PRKN: variants seen among roughly 807,000 people sequenced by gnomAD.
PRKN encodes the protein parkin RBR E3 ubiquitin protein ligase.
Under a neutral mutation model 59.5 loss-of-function variants are expected in PRKN, and 56 were observed. The observed-to-expected ratio is 0.94, with a 90% CI of 0.76 to 1.18. The LOEUF is 1.18. PRKN is among the 50% of genes most tolerant of loss of function. The pLI, the probability that PRKN is intolerant of heterozygous loss-of-function variation, is 0.00. For synonymous variants in PRKN, 250 were observed against 222.1 expected (o/e 1.13, Z -1.12); for missense variants, 657 against 596.4 (o/e 1.10, Z -1.06).
At position 161,593,069 on chromosome 6, in the gene PRKN, C is replaced by T. The variant is rs1339363585; in HGVS notation, c.872-23653G>A. ...GCGTCCTCAGATGCGCTGCACCCCA[C>T]GTCCGCTGCTGTTAACATCCTACAT... is the stretch of plus-strand genomic sequence containing the variant. On this transcript the variant is annotated intron_variant, in intron 7 of 11. Transcript: ENST00000366898. The surrounding 1 kb of genome is among the most constrained non-coding windows in gnomAD (Gnocchi z 4.8). 1.3e-5 allele frequency among the ~76,000 whole-genome samples: 2 copies of T among 152,210 alleles called. No individual in the cohort carries two copies. The highest frequency in any genetic ancestry group is 4.8e-5 in the African/African-American group (2 of 41,444).
At chr6:162,702,842 A>C (rs998284401) in intron 1 of PRKN, among the ~76,000 whole-genome samples, 3 of 152,196 alleles carry the variant, frequency 2.0e-5, no homozygotes, top group African/African-American at 7.2e-5. Context: ...TAACTCCTTA[A>C]ATGAGCTCTC....
chr6:162,618,439 A>C (rs947679153), intron 1 of PRKN, among the ~76,000 whole-genome samples: 8 of 152,194 alleles, frequency 5.3e-5, no homozygotes, highest in Non-Finnish European at 7.3e-5. Context: ...GTTTATAATA[A>C]ATCAAATATT....
chr6:162,306,569 A>C (rs1441316945), intron 2 of PRKN, among the ~76,000 whole-genome samples: 1 of 152,228 alleles, frequency 6.6e-6, no homozygotes, highest in African/African-American at 2.4e-5. Context: ...GAATTGTGTG[A>C]AAATTGTTTT....
intron 6 of PRKN, among the ~76,000 whole-genome samples, chr6:161,847,242 A>G (rs542062741): frequency 3.3e-5 from 5 of 152,110 alleles, no homozygotes; most frequent in African/African-American, 9.6e-5. Flanking sequence ...AGGGAGTTGG[A>G]GGTTGCAGTG....
Position 161,658,439 on chromosome 6 carries a change from A to G in PRKN, c.872-89023T>C, listed in dbSNP as rs188994624. On this transcript the variant is annotated intron_variant, in intron 7 of 11. Transcript: ENST00000366898. ...GCAAAGTTAATCATTTAAAACTAGA[A>G]ATCATCTTTGAAAAGTCAACCAGTG... Among the ~76,000 whole-genome samples the G allele has an allele frequency of 5.6e-4, 86 of 152,320 alleles. No homozygotes were observed. The Middle Eastern group carries it at 0.014, about 24-fold the overall frequency.
At chr6:162,005,857 T>C (rs980270981) in intron 5 of PRKN, among the ~76,000 whole-genome samples, 1 of 152,134 alleles carries the variant, frequency 6.6e-6, no homozygotes, top group African/African-American at 2.4e-5. Flanking sequence ...GTGTATTATT[T>C]CTATTATCTA....
intron 7 of PRKN, among the ~76,000 whole-genome samples, chr6:161,699,564 C>T (rs903212610): frequency 3.9e-5 from 6 of 152,034 alleles, no homozygotes; most frequent in African/African-American, 9.7e-5. Flanking sequence ...ATCTCAATAC[C>T]GTGTATCTCA....
At chr6:161,476,344 G>A (rs773085267) in intron 9 of PRKN, among the ~76,000 whole-genome samples, 6 of 152,142 alleles carry the variant, frequency 3.9e-5, no homozygotes, top group Non-Finnish European at 8.8e-5. Context: ...CTTCTGATGT[G>A]TGGGGAAATC....
In PRKN at chr6:161,481,232, A is replaced by G. The variant is rs143790657; in HGVS notation, c.1083+67622T>C. 6.6e-4 allele frequency among the ~76,000 whole-genome samples: 100 copies of G among 152,328 alleles called. No individual in the cohort carries two copies. The East Asian group carries it at 0.013, about 20-fold the overall frequency. On this transcript the variant is annotated intron_variant, in intron 9 of 11. Transcript: ENST00000366898. ...AAATCACATTGGTTTTTCCTAAAGA[A>G]TTCCTATCAACTCTCCCACCCAACA...
chr6:162,591,551 T>G (rs115968255), intron 1 of PRKN, among the ~76,000 whole-genome samples: 2,687 of 152,250 alleles, frequency 0.018, 87 homozygotes, highest in African/African-American at 0.062. Flanking sequence ...AAGGAACATT[T>G]AAATGGACTC....
chr6:162,523,330 G>A (rs527417535), intron 1 of PRKN, among the ~76,000 whole-genome samples: 44 of 152,200 alleles, frequency 2.9e-4, no homozygotes, highest in African/African-American at 9.4e-4. Flanking sequence ...CAATGGAAGC[G>A]ATGGAAAGTA....
rs1397574412 is a variant in PRKN at position 162,414,710 on chromosome 6, CA to C, written c.171+28599del. ...TGGTCAACTGAGCAAGACTCCGTCT[CA>C]AAAAAAAAAAAAAAAAGTGAATCTT... is the stretch of plus-strand genomic sequence containing the variant. On this transcript the variant is annotated intron_variant, in intron 2 of 11. Transcript: ENST00000366898. Among the ~76,000 whole-genome samples, 190 of 101,956 alleles carry C rather than the reference CA, an allele frequency of 1.9e-3. 6 individuals carry two copies. In the South Asian group the frequency reaches 0.022, roughly 12 times the overall value. The allele number at this position is 101,956 out of a possible 152,430, so 66.9% of individuals were successfully genotyped here.
chr6:162,313,544 A>G (rs1782620782), intron 2 of PRKN, among the ~76,000 whole-genome samples: 1 of 151,930 alleles, frequency 6.6e-6, no homozygotes, highest in African/African-American at 2.4e-5. Context: ...CTGGAATCCA[A>G]TGGTGCGATC....
intron 7 of PRKN, among the ~76,000 whole-genome samples, chr6:161,640,112 A>C (rs1195630178): frequency 6.6e-6 from 1 of 152,108 alleles, no homozygotes; most frequent in East Asian, 1.9e-4. Context: ...CTTCTTTCAC[A>C]CTTTTTGTTT....
chr6:161,662,997 T>C (rs1784601770), intron 7 of PRKN, among the ~76,000 whole-genome samples: 1 of 152,180 alleles, frequency 6.6e-6, no homozygotes, highest in Admixed American at 6.5e-5. Flanking sequence ...GGGTGGGTTT[T>C]TCCCGTGCTG....
chr6:161,929,702 A>T (rs1779100125), intron 6 of PRKN, among the ~76,000 whole-genome samples: 2 of 151,658 alleles, frequency 1.3e-5, no homozygotes, highest in South Asian at 2.1e-4. Flanking sequence ...TTTTTAGTAG[A>T]AACGGGGTTT....
chr6:161,364,000 ATACAAAAAAT>A lies in PRKN; in HGVS notation c.1168-3805_1168-3796del, dbSNP rs1412232063. Among the ~76,000 whole-genome samples, 3 of 151,526 alleles carry A rather than the reference ATACAAAAAAT, an allele frequency of 2.0e-5. No homozygotes were observed. Among genetic ancestry groups the A allele is most frequent in the South Asian group, 4.2e-4 (2 of 4,808 alleles). ...TGCTGAAACCCCATCTCTACTAAAAATACAAAAAATTACAAAAAATTAGCTGGGCATGGTG... is the reference window on the plus strand; with the variant it reads ...TGCTGAAACCCCATCTCTACTAAAAATACAAAAAATTAGCTGGGCATGGTG... On this transcript the variant is annotated intron_variant, in intron 10 of 11. Coordinates refer to ENST00000366898, the MANE Select transcript of PRKN (RefSeq NM_004562.3). The surrounding 1 kb of genome is among the most constrained non-coding windows in gnomAD (Gnocchi z 4.1).
chr6:162,190,272 C>A (rs1008036506), intron 4 of PRKN, among the ~76,000 whole-genome samples: 1 of 152,092 alleles, frequency 6.6e-6, no homozygotes, highest in Non-Finnish European at 1.5e-5. Flanking sequence ...TTTCCCAGTA[C>A]GCAATACTCT....
chr6:161,791,511 T>G (rs1484033964), intron 6 of PRKN, among the ~76,000 whole-genome samples: 1 of 152,222 alleles, frequency 6.6e-6, no homozygotes, highest in Non-Finnish European at 1.5e-5. Context: ...TGGCAAAATC[T>G]GTCTGTTTCT....
Sources: gnomAD v4.1 joint callset for allele counts (sites outside exome capture counted in the v4.1 genomes callset) on GRCh38, gnomAD v4.1.1 for gene constraint, Gnocchi (gnomAD v3.1) non-coding constraint, MANE v1.5 for transcripts, NCBI Gene and HGNC (gene_info 2026-07-23, HGNC 2026-07-21) for gene names.